The following MBOAT2 variants were observed in gnomAD, a reference collection of about 807,000 sequenced individuals.
The protein encoded by MBOAT2 is membrane bound glycerophospholipid O-acyltransferase 2.
A neutral mutation model predicts 63.4 loss-of-function variants in MBOAT2; 28 were observed. The observed-to-expected ratio is 0.44, with a 90% CI of 0.33 to 0.61. The LOEUF is 0.61. Among genes scored for constraint, MBOAT2 ranks in the 20% least tolerant of loss-of-function variants. The pLI is 0.03. For synonymous variants in MBOAT2, 211 were observed against 215.6 expected, an observed-to-expected ratio of 0.98 and a Z score of 0.19; for missense variants, 470 against 605.8, an observed-to-expected ratio of 0.78 and a Z score of 2.35.
chr2:8,895,133 C>T (rs980326104), intron 4 of MBOAT2, among the ~76,000 whole-genome samples: 6 of 152,224 alleles, frequency 3.9e-5, no homozygotes, highest in Non-Finnish European at 7.3e-5. Context: ...ACTTCCACAG[C>T]GTGGAAACGG....
chr2:8,915,501 CTT>C (rs1666108447), intron 3 of MBOAT2, among the ~76,000 whole-genome samples: 1 of 152,078 alleles, frequency 6.6e-6, no homozygotes, highest in Admixed American at 6.5e-5. Flanking sequence ...GACAATCTAA[CTT>C]GAGAAAGAAT....
At chr2:8,942,623 C>G (rs1443448876) in intron 3 of MBOAT2, among the ~76,000 whole-genome samples, 1 of 152,208 alleles carries the variant, frequency 6.6e-6, no homozygotes, top group Non-Finnish European at 1.5e-5. Context: ...AATGCCTATG[C>G]CACCTTCTAC....
chr2:8,966,722 T>C (rs137958388), intron 1 of MBOAT2, among the ~76,000 whole-genome samples: 366 of 152,286 alleles, frequency 2.4e-3, no homozygotes, highest in African/African-American at 8.5e-3. Flanking sequence ...AGTGTCACAA[T>C]ACCAAATGCA....
rs1370170719 is a variant in MBOAT2, at chr2:8,873,212, A to G, written c.779T>C (p.Ile260Thr). 1 of 1,614,210 alleles carries G rather than the reference A, an allele frequency of 6.2e-7. No homozygotes were observed. The highest frequency in any genetic ancestry group is 1.7e-5 in the Admixed American group (1 of 60,030). Residue 260 changes from isoleucine to threonine, a missense_variant, in exon 8 of 13, where the codon ATT (isoleucine) becomes ACT (threonine). Physicochemically the swap from Ile to Thr is moderately conservative, Grantham distance 89. This residue lies in a region of MBOAT2 where 376 missense variants were observed against 503.8 expected (regional missense o/e 0.75). Transcript: ENST00000305997. ...AGCTGTAGCTTGAAAATGCTCATCAATGTTGTACTCCACAGGTAATGTTGT... is the reference window on the plus strand; with the variant it reads ...AGCTGTAGCTTGAAAATGCTCATCAGTGTTGTACTCCACAGGTAATGTTGT... ...ICTTLPVEYN[I>T]DEHFQATASW...
chr2:8,943,368 G>GA (rs1251705592), intron 2 of MBOAT2, 104 bp from the exon 3 acceptor site: 1,872 of 555,020 alleles, frequency 3.4e-3, no homozygotes, highest in South Asian at 4.8e-3. Flanking sequence ...AGTATTCCCA[G>GA]AAAAAAAAAT....
At chr2:8,921,767 C>T (rs950515308) in intron 3 of MBOAT2, among the ~76,000 whole-genome samples, 1 of 152,188 alleles carries the variant, frequency 6.6e-6, no homozygotes, top group Non-Finnish European at 1.5e-5. Context: ...TATCATTGCT[C>T]TCTCCATAAT....
intron 4 of MBOAT2, among the ~76,000 whole-genome samples, chr2:8,895,072 A>T (rs912214274): frequency 2.0e-5 from 3 of 152,238 alleles, no homozygotes; most frequent in Non-Finnish European, 4.4e-5. Flanking sequence ...GGCGGTGGGG[A>T]CCCAAAGAGT....
intron 1 of MBOAT2, among the ~76,000 whole-genome samples, chr2:8,972,202 G>A (rs1367843712): frequency 6.6e-6 from 1 of 152,124 alleles, no homozygotes; most frequent in African/African-American, 2.4e-5. Context: ...AGAGCCCTCA[G>A]AAATAATACC....
chr2:8,908,166 C>T (rs1196320480), intron 4 of MBOAT2: 1 of 152,440 alleles, frequency 6.6e-6, no homozygotes, highest in African/African-American at 2.4e-5. Flanking sequence ...TATTTCACAA[C>T]AGACATATAA....
At chr2:8,909,901 C>G (rs557230134) in intron 3 of MBOAT2, among the ~76,000 whole-genome samples, 15 of 152,320 alleles carry the variant, frequency 9.8e-5, no homozygotes, top group African/African-American at 3.6e-4. Flanking sequence ...ATTTTATACA[C>G]TCTTCTGCAG....
chr2:8,976,890 G>A (rs918920293), intron 1 of MBOAT2, among the ~76,000 whole-genome samples: 7 of 152,122 alleles, frequency 4.6e-5, no homozygotes, highest in Non-Finnish European at 1.0e-4. Flanking sequence ...CAACAGCATG[G>A]ATGAATCTCA....
chr2:8,981,144 G>A (rs185255732), intron 1 of MBOAT2, among the ~76,000 whole-genome samples: 27 of 152,276 alleles, frequency 1.8e-4, no homozygotes, highest in African/African-American at 5.1e-4. Context: ...TACAGAGATC[G>A]AAAGTAGACG....
At chr2:8,910,410 A>C (rs1426951623) in intron 3 of MBOAT2, among the ~76,000 whole-genome samples, 1 of 152,206 alleles carries the variant, frequency 6.6e-6, no homozygotes, top group African/African-American at 2.4e-5. Flanking sequence ...GATGCTATCC[A>C]GTTGAACCCT....
At chr2:8,928,020 G>A (rs895211138) in intron 3 of MBOAT2, among the ~76,000 whole-genome samples, 1 of 152,230 alleles carries the variant, frequency 6.6e-6, no homozygotes, top group African/African-American at 2.4e-5. Flanking sequence ...CACATCACAT[G>A]GCCAGAGCAG....
chr2:8,869,783 AC>A (rs1218402427), intron 8 of MBOAT2, among the ~76,000 whole-genome samples: 1 of 152,208 alleles, frequency 6.6e-6, no homozygotes, highest in Non-Finnish European at 1.5e-5. Flanking sequence ...TGGGCAGCAT[AC>A]CCATAGAAAT....
rs1217419455 is a variant in MBOAT2 at position 8,966,551 on chromosome 2, T to C, written c.76-7909A>G. Among the ~76,000 whole-genome samples, 8 of 152,314 alleles carry C rather than the reference T, an allele frequency of 5.3e-5. No individual in the cohort carries two copies. The East Asian group carries it at 1.5e-3, about 29-fold the overall frequency. ...TTCCCAGGCAAAACTTACGTGCAGC[T>C]ACGTTTGGAAAACAAGAGTCCTCAT... On this transcript the variant is annotated intron_variant, in intron 1 of 12. Transcript: ENST00000305997.
chr2:8,887,934 G>T, intron 5 of MBOAT2, 84 bp downstream of exon 5: 1 of 1,241,960 alleles, frequency 8.1e-7, no homozygotes, highest in Non-Finnish European at 1.2e-6. Flanking sequence ...TACTCTAATA[G>T]CAGAAAGTTA....
intron 2 of MBOAT2, among the ~76,000 whole-genome samples, chr2:8,954,001 T>C (rs745944448): frequency 4.6e-5 from 7 of 152,250 alleles, no homozygotes; most frequent in Non-Finnish European, 1.0e-4. Flanking sequence ...GATGCCAAAA[T>C]TCTTGCACTG....
chr2:8,869,404 T>A (rs764657399), intron 8 of MBOAT2, among the ~76,000 whole-genome samples: 1 of 152,164 alleles, frequency 6.6e-6, no homozygotes, highest in Non-Finnish European at 1.5e-5. Flanking sequence ...TTTTGCTTTA[T>A]GTACATGCTT....
Sources: gnomAD v4.1 joint callset for allele counts (sites outside exome capture counted in the v4.1 genomes callset) on GRCh38, gnomAD v4.1.1 for gene constraint, gnomAD v4.1.1 regional missense constraint, MANE v1.5 for transcripts, NCBI Gene and HGNC (gene_info 2026-07-23, HGNC 2026-07-21) for gene names.